MGST1: variants seen among roughly 807,000 people sequenced by gnomAD.
MGST1 encodes the protein glutathione S-transferase 12.
Under a neutral mutation model 8.9 loss-of-function variants are expected in MGST1, and 5 were observed. That is an observed-to-expected ratio of 0.56 (90% CI 0.29 to 1.19). The LOEUF is 1.19. Ranked by LOEUF, MGST1 falls within the 50% of genes most tolerant of loss-of-function variation. The probability of loss-of-function intolerance (pLI) is 0.08; values close to 1 mark genes in which losing one functional copy is unlikely to be tolerated. For synonymous variants in MGST1, 54 were observed against 67.8 expected, an observed-to-expected ratio of 0.80 and a Z score of 1.00; for missense variants, 182 against 187.4, an observed-to-expected ratio of 0.97 and a Z score of 0.17.
chr12:16,523,770 A>G (rs867773785), intron 4 of MGST1, among the ~76,000 whole-genome samples: 3 of 152,132 alleles, frequency 2.0e-5, no homozygotes, highest in South Asian at 2.1e-4. Context: ...GTGAATCTCT[A>G]TATTGTTCAA....
intron 4 of MGST1, among the ~76,000 whole-genome samples, chr12:16,472,735 AG>A (rs1487788468): frequency 6.6e-6 from 1 of 152,220 alleles, no homozygotes; most frequent in Non-Finnish European, 1.5e-5. Flanking sequence ...TGGGATACTT[AG>A]GTAGTGAATG....
chr12:16,408,557 C>CTT lies in MGST1; in HGVS notation n.778+24955_778+24956dup, dbSNP rs545811722. The stretch of plus-strand genomic sequence containing the variant: ...CAACTGTACCTCTTTTAAAATTAAT[C>CTT]TTTGCTTCTGGCTGTTATTTTTACC... On this transcript the variant is annotated intron_variant and non_coding_transcript_variant, in intron 1 of 1. Coordinates refer to the MGST1 transcript ENST00000359720. Among the ~76,000 whole-genome samples the CTT allele has an allele frequency of 7.4e-4, 112 of 152,182 alleles. No individual in the cohort carries two copies. The East Asian group carries it at 0.018, about 24-fold the overall frequency.
chr12:16,491,259 A>G (rs1808781276), intron 4 of MGST1, among the ~76,000 whole-genome samples: 1 of 152,216 alleles, frequency 6.6e-6, no homozygotes, highest in South Asian at 2.1e-4. Context: ...CCTTATGTGT[A>G]AAATGGAGCT....
downstream of MGST1, among the ~76,000 whole-genome samples, chr12:16,368,212 G>A (rs544984980): frequency 1.2e-4 from 18 of 152,234 alleles, no homozygotes; most frequent in South Asian, 1.5e-3. Flanking sequence ...ATGGAGTTTC[G>A]GACAACCAAA....
rs968626804 is a variant in MGST1 at position 16,503,522 on chromosome 12, T to C, written n.483-86006T>C. Among the ~76,000 whole-genome samples the C allele has an allele frequency of 6.6e-6, 1 of 152,212 alleles. No homozygotes were observed. The highest frequency in any genetic ancestry group is 2.4e-5 in the African/African-American group (1 of 41,452). ...TTATTAGGATGAAGGATAAAGGACA[T>C]GAACATTTTCTGTTCACCACTCTAT... On this transcript the variant is annotated intron_variant and non_coding_transcript_variant, in intron 4 of 4. Transcript: ENST00000538857. The surrounding 1 kb of genome is among the most constrained non-coding windows in gnomAD (Gnocchi z 4.8).
chr12:16,392,915 T>C (rs562063172), intron 1 of MGST1, among the ~76,000 whole-genome samples: 1 of 152,264 alleles, frequency 6.6e-6, no homozygotes, highest in African/African-American at 2.4e-5. Context: ...CCTAGAGAGA[T>C]AGTAGGTAGA....
chr12:16,508,365 G>C lies in MGST1; in HGVS notation n.483-81163G>C, dbSNP rs143275849. Among the ~76,000 whole-genome samples the C allele has an allele frequency of 9.2e-5, 14 of 152,226 alleles. No individual in the cohort carries two copies. In the East Asian group the frequency reaches 2.7e-3, roughly 29 times the overall value. On this transcript the variant is annotated intron_variant and non_coding_transcript_variant, in intron 4 of 4. Transcript: ENST00000538857. ...TCCCTCAGAGTACTGTGTTCCTAGA[G>C]AATCTTGCATTATTACATGAAATCA...
chr12:16,505,308 G>A (rs1941530609), intron 4 of MGST1, among the ~76,000 whole-genome samples: 1 of 152,094 alleles, frequency 6.6e-6, no homozygotes, highest in African/African-American at 2.4e-5. Context: ...CAAGCTATAT[G>A]GACTCCTTGA....
Position 16,586,042 on chromosome 12 carries a change from C to T in MGST1, n.483-3486C>T, listed in dbSNP as rs1943309601. 6.6e-6 allele frequency among the ~76,000 whole-genome samples: 1 copy of T among 152,064 alleles called. No individual in the cohort carries two copies. The highest frequency in any genetic ancestry group is 1.5e-5 in the Non-Finnish European group (1 of 68,026). ...TTTTGCAGCTGTTAATGAAAATCTT[C>T]AACACAGGAAAACAGCAAAACCTTG... On this transcript the variant is annotated intron_variant and non_coding_transcript_variant, in intron 4 of 4. Transcript: ENST00000538857. This position sits in a 1 kb window ranked among gnomAD's most constrained non-coding sequence, Gnocchi z 4.3.
intron 4 of MGST1, among the ~76,000 whole-genome samples, chr12:16,580,740 TTAG>T (rs1379492002): frequency 6.6e-6 from 1 of 152,076 alleles, no homozygotes; most frequent in Non-Finnish European, 1.5e-5. Flanking sequence ...AGAGCAAACA[TTAG>T]TAGGTTCTGG....
intron 1 of MGST1, among the ~76,000 whole-genome samples, chr12:16,394,513 C>CCTTCCTTT (rs1940584604): frequency 1.2e-5 from 1 of 84,396 alleles, no homozygotes; most frequent in African/African-American, 4.8e-5. Context: ...TCTTTCTCTC[C>CCTTCCTTT]CTTTCTTTCT....
At chr12:16,501,231 C>T (rs898563559) in intron 4 of MGST1, among the ~76,000 whole-genome samples, 1 of 152,062 alleles carries the variant, frequency 6.6e-6, no homozygotes, top group Non-Finnish European at 1.5e-5. Flanking sequence ...TTAATAGCAG[C>T]CGTTTAGGAG....
rs557626932 is a variant in MGST1 at position 16,517,341 on chromosome 12, A to G, written n.483-72187A>G. Reference sequence around the variant, plus strand: ...AGTCATAAGTTCTCTCCCCTTATGAATAGAATAATGTTGTTATCACAGGAG... The same window carrying G: ...AGTCATAAGTTCTCTCCCCTTATGAGTAGAATAATGTTGTTATCACAGGAG... On this transcript the variant is annotated intron_variant and non_coding_transcript_variant, in intron 4 of 4. Coordinates refer to the MGST1 transcript ENST00000538857. The surrounding 1 kb of genome is among the most constrained non-coding windows in gnomAD (Gnocchi z 4.2). Among the ~76,000 whole-genome samples, 5 of 152,306 alleles carry G rather than the reference A, an allele frequency of 3.3e-5. 1 individual carries two copies. In the South Asian group the frequency reaches 1.0e-3, roughly 32 times the overall value.
In MGST1 at chr12:16,576,465, G is replaced by T. The variant is rs1942999069; in HGVS notation, n.483-13063G>T. Among the ~76,000 whole-genome samples, 1 of 152,028 alleles carries T rather than the reference G, an allele frequency of 6.6e-6. No homozygotes were observed. Among genetic ancestry groups the T allele is most frequent in the African/African-American group, 2.4e-5 (1 of 41,364 alleles). ...CTTTTTTTTCATATTCAGATCAAATGTCAATGGATCTATGAAGCCTCTCTG... is the reference window on the plus strand; with the variant it reads ...CTTTTTTTTCATATTCAGATCAAATTTCAATGGATCTATGAAGCCTCTCTG... On this transcript the variant is annotated intron_variant and non_coding_transcript_variant, in intron 4 of 4. Transcript: ENST00000538857. This position sits in a 1 kb window ranked among gnomAD's most constrained non-coding sequence, Gnocchi z 4.1.
intron 1 of MGST1, among the ~76,000 whole-genome samples, chr12:16,408,269 G>A (rs927815864): frequency 1.3e-5 from 2 of 151,958 alleles, no homozygotes; most frequent in African/African-American, 4.8e-5. Flanking sequence ...AATAACTTTT[G>A]GGTATTAGAC....
chr12:16,462,554 C>CA (rs530555809), intron 4 of MGST1, among the ~76,000 whole-genome samples: 112,206 of 149,034 alleles, frequency 0.75, 43,459 homozygotes, highest in Non-Finnish European at 0.87. Flanking sequence ...CTTTACCCCC[C>CA]CAAAAAAAAC....
Position 16,555,414 on chromosome 12 carries a change from T to A in MGST1, n.483-34114T>A, listed in dbSNP as rs1431317284. Among the ~76,000 whole-genome samples, 1 of 152,222 alleles carries A rather than the reference T, an allele frequency of 6.6e-6. No homozygotes were observed. The highest frequency in any genetic ancestry group is 2.4e-5 in the African/African-American group (1 of 41,470). On this transcript the variant is annotated intron_variant and non_coding_transcript_variant, in intron 4 of 4. Transcript: ENST00000538857. This position sits in a 1 kb window ranked among gnomAD's most constrained non-coding sequence, Gnocchi z 5.5. ...ATGTGTAACTGGTTTGCCATTATAG[T>A]CAGCAGTTCTGCGGTAAATGACCAC...
Position 16,579,126 on chromosome 12 carries a change from A to G in MGST1, n.483-10402A>G, listed in dbSNP as rs141752558. ...ATAAAGGTCATAAACTTCCACAGGG[A>G]TTTTTTTTTGAAGAGAACAACATGT... On this transcript the variant is annotated intron_variant and non_coding_transcript_variant, in intron 4 of 4. Transcript: ENST00000538857. Among the ~76,000 whole-genome samples the G allele has an allele frequency of 2.7e-4, 41 of 151,524 alleles. No homozygotes were observed. The East Asian group carries it at 8.0e-3, about 29-fold the overall frequency.
chr12:16,521,420 A>G lies in MGST1; in HGVS notation n.483-68108A>G, dbSNP rs192665126. Among the ~76,000 whole-genome samples, 717 of 152,242 alleles carry G rather than the reference A, an allele frequency of 4.7e-3. 9 individuals are homozygous for G. The highest frequency in any genetic ancestry group is 4.1e-3 in the Non-Finnish European group (277 of 68,004). On this transcript the variant is annotated intron_variant and non_coding_transcript_variant, in intron 4 of 4. Coordinates refer to the MGST1 transcript ENST00000538857. ...ACATTTTCCACTTCCTCCTCATGTT[A>G]TGGCTTAAAAAGTAACTCTTTGCCA...
Sources: gnomAD v4.1 joint callset for allele counts (sites outside exome capture counted in the v4.1 genomes callset) on GRCh38, gnomAD v4.1.1 for gene constraint, Gnocchi (gnomAD v3.1) non-coding constraint, MANE v1.5 for transcripts, NCBI Gene and HGNC (gene_info 2026-07-23, HGNC 2026-07-21) for gene names.